COMMD1: variants seen among roughly 807,000 people sequenced by gnomAD.
The protein encoded by COMMD1 is COMM domain-containing protein 1.
Under a neutral mutation model 17.2 loss-of-function variants are expected in COMMD1, and 10 were observed. The observed-to-expected ratio is 0.58, with a 90% CI of 0.36 to 0.99. The LOEUF (loss-of-function observed/expected upper bound fraction) is 0.99. Among genes scored for constraint, COMMD1 ranks in the 50% least tolerant of loss-of-function variants. The pLI, the probability that COMMD1 is intolerant of heterozygous loss-of-function variation, is 0.01. For missense variants in COMMD1, 270 were observed against 231.8 expected (o/e 1.17, Z -1.07); for synonymous variants, 97 against 91.6 (o/e 1.06, Z -0.34).
At chr2:61,916,789 T>G (rs1054943001) in intron 1 of COMMD1, among the ~76,000 whole-genome samples, 1 of 152,162 alleles carries the variant, frequency 6.6e-6, no homozygotes, top group African/African-American at 2.4e-5. Flanking sequence ...GTATTTGGAA[T>G]GTAGTATTAG....
chr2:62,086,028 G>A (rs113097659), intron 2 of COMMD1, among the ~76,000 whole-genome samples: 17,825 of 151,834 alleles, frequency 0.12, 1,344 homozygotes, highest in Non-Finnish European at 0.17. Flanking sequence ...TGAGCCAGGC[G>A]TGGTGGCACA....
chr2:62,078,116 A>G (rs893258019), intron 2 of COMMD1, among the ~76,000 whole-genome samples: 1 of 152,028 alleles, frequency 6.6e-6, no homozygotes, highest in Middle Eastern at 3.4e-3. Flanking sequence ...TGTACTAAAA[A>G]TACAAAAAAT....
At chr2:62,034,929 ATCT>A (rs549114148) in intron 2 of COMMD1, among the ~76,000 whole-genome samples, 149 of 152,338 alleles carry the variant, frequency 9.8e-4, no homozygotes, top group Non-Finnish European at 1.8e-3. Context: ...CTTCATCATC[ATCT>A]TTGCTCTCAT....
chr2:62,059,356 A>G (rs562476799), intron 2 of COMMD1, among the ~76,000 whole-genome samples: 5 of 151,878 alleles, frequency 3.3e-5, no homozygotes, highest in South Asian at 4.2e-4. Flanking sequence ...TTGTCTCACT[A>G]TGTTGCCCAG....
chr2:62,054,998 T>C (rs1324920514), intron 2 of COMMD1, among the ~76,000 whole-genome samples: 1 of 152,202 alleles, frequency 6.6e-6, no homozygotes. Flanking sequence ...GTGATGCTAC[T>C]AGCACTGGGG....
At chr2:62,087,052 G>C (rs944342797) in intron 2 of COMMD1, among the ~76,000 whole-genome samples, 3 of 152,022 alleles carry the variant, frequency 2.0e-5, no homozygotes, top group African/African-American at 7.3e-5. Flanking sequence ...TCAAACTCCT[G>C]ACCTCAAATG....
At chr2:62,115,139 C>T (rs545863680) in intron 2 of COMMD1, among the ~76,000 whole-genome samples, 23 of 152,166 alleles carry the variant, frequency 1.5e-4, no homozygotes, top group African/African-American at 2.7e-4. Context: ...TTTGTTAAAT[C>T]GGTTAAAACG....
chr2:62,009,039 C>T lies in COMMD1; in HGVS notation c.462+8057C>T, dbSNP rs1014675188. 3.9e-5 allele frequency among the ~76,000 whole-genome samples: 6 copies of T among 152,106 alleles called. 1 individual carries two copies. Among genetic ancestry groups the T allele is most frequent in the Admixed American group, 3.9e-4 (6 of 15,264 alleles). On this transcript the variant is annotated intron_variant, in intron 2 of 2. Transcript: ENST00000311832. ...CCTCAAGTGATACGCCCACCTCGGCCTCCCAAAGTGTTGGGATTACAGGTG... is the reference window on the plus strand; with the variant it reads ...CCTCAAGTGATACGCCCACCTCGGCTTCCCAAAGTGTTGGGATTACAGGTG...
intron 2 of COMMD1, among the ~76,000 whole-genome samples, chr2:62,006,303 A>C (rs1267248353): frequency 6.6e-6 from 1 of 151,894 alleles, no homozygotes; most frequent in Non-Finnish European, 1.5e-5. Context: ...ATATGTAACT[A>C]ACCTACACAT....
At chr2:61,996,102 G>A (rs1446991752) in intron 1 of COMMD1, among the ~76,000 whole-genome samples, 2 of 152,146 alleles carry the variant, frequency 1.3e-5, no homozygotes, top group Non-Finnish European at 2.9e-5. Flanking sequence ...AGAGGCTGAA[G>A]TCAGAGGATT....
At position 61,920,267 on chromosome 2, in the gene COMMD1, A is replaced by AT. The variant is rs569286216; in HGVS notation, c.180+14418dup. ...AAGCAATTCTGATTCTTGAGCAGTA[A>AT]TTTTTTTTTACACAAAAATGTTAAT... On this transcript the variant is annotated intron_variant, in intron 1 of 2. Coordinates refer to ENST00000311832, the MANE Select transcript of COMMD1 (RefSeq NM_152516.4). 3.8e-4 allele frequency among the ~76,000 whole-genome samples: 57 copies of AT among 151,640 alleles called. No individual in the cohort carries two copies. The East Asian group carries it at 5.4e-3, about 14-fold the overall frequency.
chr2:61,938,233 G>T (rs1670651447), intron 1 of COMMD1, among the ~76,000 whole-genome samples: 1 of 151,396 alleles, frequency 6.6e-6, no homozygotes, highest in Non-Finnish European at 1.5e-5. Context: ...TTAATTGACT[G>T]CAGGCCCCAC....
chr2:61,969,391 A>G (rs1429868532), intron 1 of COMMD1, among the ~76,000 whole-genome samples: 6 of 152,216 alleles, frequency 3.9e-5, no homozygotes, highest in Non-Finnish European at 7.3e-5. Flanking sequence ...ATTACTAACA[A>G]TAGTCACCAG....
chr2:62,100,277 G>C (rs1357325505), intron 2 of COMMD1: 1 of 152,098 alleles, frequency 6.6e-6, no homozygotes, highest in African/African-American at 2.4e-5. Flanking sequence ...ACTCCTTCAG[G>C]GTCCTGAGTC....
intron 1 of COMMD1, among the ~76,000 whole-genome samples, chr2:61,919,216 G>A (rs993319733): frequency 6.6e-6 from 1 of 152,128 alleles, no homozygotes; most frequent in African/African-American, 2.4e-5. Context: ...TCTCCATGTT[G>A]CTTCAGGCTG....
At chr2:61,909,075 T>G (rs575407117) in intron 1 of COMMD1, among the ~76,000 whole-genome samples, 163 of 152,160 alleles carry the variant, frequency 1.1e-3, no homozygotes, top group Non-Finnish European at 1.8e-3. Context: ...ATTACAAGCA[T>G]GCACCACCAC....
At chr2:62,031,561 C>T (rs1669908163) in intron 2 of COMMD1, among the ~76,000 whole-genome samples, 1 of 152,146 alleles carries the variant, frequency 6.6e-6, no homozygotes, top group African/African-American at 2.4e-5. Flanking sequence ...TAACTCATAT[C>T]TGGTTTTTTG....
At chr2:61,919,115 G>T (rs968473899) in intron 1 of COMMD1, among the ~76,000 whole-genome samples, 1 of 152,032 alleles carries the variant, frequency 6.6e-6, no homozygotes, top group African/African-American at 2.4e-5. Flanking sequence ...AGGTTTAAGC[G>T]ATTCTCCTGC....
intron 2 of COMMD1, among the ~76,000 whole-genome samples, chr2:62,073,381 C>A (rs1171888254): frequency 1.3e-5 from 2 of 152,206 alleles, no homozygotes; most frequent in Non-Finnish European, 2.9e-5. Flanking sequence ...ATGTATATAA[C>A]AAGAACCTTG....
Sources: allele counts gnomAD v4.1 joint callset (sites outside exome capture counted in the v4.1 genomes callset), GRCh38; gene constraint gnomAD v4.1.1; transcripts MANE v1.5; gene names NCBI Gene and HGNC (gene_info 2026-07-23, HGNC 2026-07-21).